Variants in B4GALNT2 observed in about 807,000 individuals in gnomAD.
B4GALNT2 encodes beta-1,4-N-acetyl-galactosaminyltransferase 2 (SID blood group), also known as N-acetylneuraminylgalactosylglucosyl-glucoside beta-1,4-N- acetylgalactosaminyltransferase 2.
A neutral mutation model predicts 51.1 loss-of-function variants in B4GALNT2; 42 were observed. The ratio of observed to expected loss-of-function variants is 0.82; its 90% CI spans 0.64 to 1.06. B4GALNT2 has a LOEUF of 1.06. Ranked by LOEUF, B4GALNT2 falls within the 50% of genes least tolerant of loss-of-function variation. The probability of loss-of-function intolerance (pLI) is 0.00; values close to 1 mark genes in which losing one functional copy is unlikely to be tolerated. For synonymous variants in B4GALNT2, 253 were observed against 251.7 expected (o/e 1.01, Z -0.05); for missense variants, 602 against 633.6 (o/e 0.95, Z 0.54).
chr17:49,149,222 G>C (rs540459540), intron 3 of B4GALNT2: 1 of 152,142 alleles, frequency 6.6e-6, no homozygotes, highest in Middle Eastern at 3.4e-3. Flanking sequence ...CTATGAATAT[G>C]AATATGCTGC....
At position 49,171,807 on chromosome 17, in the gene B4GALNT2, A is replaced by G. The variant is rs760214258; in HGVS notation, c.*2079A>G. 63 of 407,466 alleles carry G rather than the reference A, an allele frequency of 1.5e-4. No homozygotes were observed. The highest frequency in any genetic ancestry group is 2.1e-4 in the Non-Finnish European group (44 of 211,912). 25.2% of individuals were successfully genotyped at this position (407,466 alleles called of 1,614,324 possible). On this transcript the variant is annotated 3_prime_UTR_variant, in exon 11 of 11. Transcript: ENST00000393354. Reference sequence around the variant, plus strand: ...CTGTTCTGCAATGCAATCTTCCCAAACAAGTACATTCATTATTTCTGGCCA... The same window carrying G: ...CTGTTCTGCAATGCAATCTTCCCAAGCAAGTACATTCATTATTTCTGGCCA...
At chr17:49,135,619 G>A (rs1330618042) in intron 1 of B4GALNT2, among the ~76,000 whole-genome samples, 1 of 151,772 alleles carries the variant, frequency 6.6e-6, no homozygotes. Context: ...ATAAATTTTA[G>A]AGTCATTTTG....
chr17:49,127,249 TA>T, the B4GALNT2 span, among the ~76,000 whole-genome samples: 2 of 152,238 alleles, frequency 1.3e-5, no homozygotes, highest in East Asian at 3.8e-4. Context: ...CTATCTTTAT[TA>T]AACCAATATT....
intron 7 of B4GALNT2, among the ~76,000 whole-genome samples, chr17:49,162,359 A>G (rs969897867): frequency 6.6e-6 from 1 of 152,136 alleles, no homozygotes; most frequent in African/African-American, 2.4e-5. Flanking sequence ...ATATATGCCC[A>G]CTCTCACACT....
At chr17:49,158,936 A>G in intron 5 of B4GALNT2, 101 bp from the exon 6 acceptor site, 1 of 1,362,442 alleles carries the variant, frequency 7.3e-7, no homozygotes, top group Non-Finnish European at 1.0e-6. Context: ...CCTCACCCTT[A>G]TGTGCTCTGC....
intron 4 of B4GALNT2, 101 bp from the exon 5 acceptor site, chr17:49,156,465 G>T: frequency 1.6e-6 from 2 of 1,260,704 alleles, no homozygotes; most frequent in Non-Finnish European, 2.3e-6. Flanking sequence ...ACTTGAAGGA[G>T]CTCTCAAGGA....
Position 49,171,598 on chromosome 17 carries a change from G to A in B4GALNT2, c.*1870G>A, listed in dbSNP as rs1348345558. 3 of 409,008 alleles carry A rather than the reference G, an allele frequency of 7.3e-6. No homozygotes were observed. Among genetic ancestry groups the A allele is most frequent in the East Asian group, 1.4e-4 (2 of 13,978 alleles). The allele number at this position is 409,008 out of a possible 1,614,324, so 25.3% of individuals were successfully genotyped here. ...GGTTGAGGTGCCACTATACCGCCAC[G>A]TTTCCAGATAATGGGAACTCTTGCT... On this transcript the variant is annotated 3_prime_UTR_variant, in exon 11 of 11. Coordinates refer to ENST00000393354, the MANE Select transcript of B4GALNT2 (RefSeq NM_001159387.2).
At chr17:49,159,011 G>A in intron 5 of B4GALNT2, 26 bp from the exon 6 acceptor site, 1 of 1,609,158 alleles carries the variant, frequency 6.2e-7, no homozygotes, top group African/African-American at 1.3e-5. Flanking sequence ...CCTGCATTGA[G>A]CATCATTCTA....
chr17:49,168,813 A>G lies in B4GALNT2; in HGVS notation c.1228A>G (p.Ser410Gly). Residue 410 changes from serine to glycine, a missense_variant, in exon 10 of 11, where the codon AGT becomes GGT. By Grantham distance (56) the Ser-to-Gly change is moderately conservative. Transcript: ENST00000393354. ...TGGCTTCCCCAGCTGCGTGGTGACC[A>G]GTGGCGTGGTCAACTTCTTCCTGGC... Reference protein sequence around the residue: ...LDGFPSCVVTSGVVNFFLAHT... With the variant: ...LDGFPSCVVTGGVVNFFLAHT... 6.2e-7 allele frequency: 1 copy of G among 1,613,972 alleles called. No homozygotes were observed.
chr17:49,128,152 A>G (rs11649933), upstream of B4GALNT2, among the ~76,000 whole-genome samples: 77,514 of 151,928 alleles, frequency 0.51, 20,156 homozygotes, highest in Middle Eastern at 0.62. Context: ...AATGAGAGGG[A>G]TTTTCATAGA....
the B4GALNT2 span, among the ~76,000 whole-genome samples, chr17:49,124,373 A>C: frequency 6.6e-6 from 1 of 152,214 alleles, no homozygotes; most frequent in Non-Finnish European, 1.5e-5. Flanking sequence ...CTACCTTCTA[A>C]AGAGGACCAA....
intron 3 of B4GALNT2, among the ~76,000 whole-genome samples, chr17:49,143,552 C>T (rs1048143319): frequency 1.3e-5 from 2 of 152,200 alleles, no homozygotes; most frequent in African/African-American, 4.8e-5. Context: ...TTAACTGAGC[C>T]TAACTCATGA....
chr17:49,145,423 G>A (rs2144291827), intron 3 of B4GALNT2, among the ~76,000 whole-genome samples: 1 of 152,294 alleles, frequency 6.6e-6, no homozygotes, highest in South Asian at 2.1e-4. Context: ...TATTTTCTTA[G>A]TACAAGTGTG....
At chr17:49,120,478 G>T in the B4GALNT2 span, among the ~76,000 whole-genome samples, 1 of 84,768 alleles carries the variant, frequency 1.2e-5, no homozygotes, top group African/African-American at 4.8e-5. Flanking sequence ...GTGTGTGTGT[G>T]TGTGTCTGTG....
At chr17:49,167,829 C>T (rs1260978437) in intron 9 of B4GALNT2, among the ~76,000 whole-genome samples, 5 of 152,054 alleles carry the variant, frequency 3.3e-5, no homozygotes, top group East Asian at 1.9e-4. Context: ...AGGCTGCTCT[C>T]GAACTCCTGA....
At position 49,141,336 on chromosome 17, in the gene B4GALNT2, C is replaced by G. The variant is rs1172860876; in HGVS notation, c.104C>G (p.Ala35Gly). Residue 35 changes from alanine to glycine, a missense_variant, in exon 2 of 11, where the codon GCA becomes GGA. Ala to Gly is a moderately conservative substitution (Grantham distance 60, BLOSUM62 0). Coordinates refer to ENST00000393354, the MANE Select transcript of B4GALNT2 (RefSeq NM_001159387.2). ...ATGTTCGGAAGCATGTTCCTTCAAGCAGTGTTCAGCAGCCCCAAGCCAGAA... is the reference window on the plus strand; with the variant it reads ...ATGTTCGGAAGCATGTTCCTTCAAGGAGTGTTCAGCAGCCCCAAGCCAGAA... ...GFMFGSMFLQ[A>G]VFSSPKPELP... is the part of the protein sequence containing the mutation. 3 of 1,614,002 alleles carry G rather than the reference C, an allele frequency of 1.9e-6. No individual in the cohort carries two copies. In the African/African-American group the frequency reaches 4.0e-5, roughly 22 times the overall value.
rs772145473 is a variant in B4GALNT2, at chr17:49,166,244, A to G, written c.1085A>G (p.Glu362Gly). Reference protein sequence around the residue: ...EVLVDVLEKTELDVVGGSVLG... With the variant: ...EVLVDVLEKTGLDVVGGSVLG... ...CTGGTGGATGTCCTGGAGAAAACAG[A>G]ACTGGACGTGGTAAGGGACAGTTGC... is the stretch of plus-strand genomic sequence containing the variant. Residue 362 changes from glutamate (E) to glycine (G), a missense_variant, in exon 9 of 11, where the codon GAA becomes GGA. By Grantham distance (98) the Glu-to-Gly change is moderately conservative. Transcript: ENST00000393354. 1 of 1,613,784 alleles carries G rather than the reference A, an allele frequency of 6.2e-7. No individual in the cohort carries two copies. The highest frequency in any genetic ancestry group is 1.3e-5 in the African/African-American group (1 of 74,878).
In B4GALNT2 at chr17:49,171,002, G is replaced by A. The variant is rs1480117136; in HGVS notation, c.*1274G>A. ...TTTAAGCGGTTTTCCACCCTGGGTG[G>A]GCCAGGTGTTCCTTGCCCTTATTCT... On this transcript the variant is annotated 3_prime_UTR_variant, in exon 11 of 11. Coordinates refer to ENST00000393354, the MANE Select transcript of B4GALNT2 (RefSeq NM_001159387.2). 6.4e-6 allele frequency: 1 copy of A among 155,188 alleles called. No individual in the cohort carries two copies. The highest frequency in any genetic ancestry group is 1.4e-5 in the Non-Finnish European group (1 of 70,012). The allele number at this position is 155,188 out of a possible 1,614,324, so 9.6% of individuals were successfully genotyped here.
At chr17:49,143,252 AAAAAG>A (rs1567857198) in intron 3 of B4GALNT2, among the ~76,000 whole-genome samples, 1 of 151,862 alleles carries the variant, frequency 6.6e-6, no homozygotes, top group Non-Finnish European at 1.5e-5. Context: ...CCATCTCAAA[AAAAAG>A]AAAAGAGAAA....
Sources: gnomAD v4.1 joint callset for allele counts (sites outside exome capture counted in the v4.1 genomes callset) on GRCh38, gnomAD v4.1.1 for gene constraint, MANE v1.5 for transcripts, NCBI Gene and HGNC (gene_info 2026-07-23, HGNC 2026-07-21) for gene names.